The following MNAT1 variants were observed in gnomAD, a reference collection of about 807,000 sequenced individuals.
MNAT1 encodes MNAT1 component of CDK activating kinase.
In MNAT1, 43 loss-of-function variants were observed where a neutral mutation model predicts 42.0. That is an observed-to-expected ratio of 1.02 (90% CI 0.80 to 1.32). The LOEUF is 1.32. Ranked by LOEUF, MNAT1 falls within the 40% of genes most tolerant of loss-of-function variation. The pLI is 0.00. For missense variants in MNAT1, 306 were observed against 350.4 expected, an observed-to-expected ratio of 0.87 and a Z score of 1.01; for synonymous variants, 118 against 120.0, an observed-to-expected ratio of 0.98 and a Z score of 0.11.
chr14:60,743,488 C>G (rs1896532359), intron 1 of MNAT1, among the ~76,000 whole-genome samples: 1 of 152,106 alleles, frequency 6.6e-6, no homozygotes, highest in Non-Finnish European at 1.5e-5. Context: ...GGAGTTTCAC[C>G]ATGTTGGCCA....
At chr14:60,768,488 A>G (rs1284699019) in intron 1 of MNAT1, among the ~76,000 whole-genome samples, 1 of 152,228 alleles carries the variant, frequency 6.6e-6, no homozygotes, top group East Asian at 1.9e-4. Flanking sequence ...TATATCTCTG[A>G]ACAGGATTTT....
chr14:60,761,336 A>G (rs1053464342), intron 1 of MNAT1, among the ~76,000 whole-genome samples: 1 of 152,198 alleles, frequency 6.6e-6, no homozygotes, highest in Admixed American at 6.5e-5. Context: ...CAATACCACA[A>G]TACATTTGAG....
At chr14:60,899,803 A>ATACTTT (rs2035034929) in intron 7 of MNAT1, among the ~76,000 whole-genome samples, 1 of 152,298 alleles carries the variant, frequency 6.6e-6, no homozygotes, top group Admixed American at 6.5e-5. Flanking sequence ...TTTTGCAAAT[A>ATACTTT]TTGCAAGTAT....
chr14:60,820,607 A>G (rs957814230), intron 6 of MNAT1, among the ~76,000 whole-genome samples: 2 of 150,234 alleles, frequency 1.3e-5, no homozygotes, highest in Non-Finnish European at 3.0e-5. Context: ...AGTTGGCTCT[A>G]CTTTTAAAAT....
At chr14:60,851,663 C>T (rs2033822957) in intron 6 of MNAT1, among the ~76,000 whole-genome samples, 1 of 152,126 alleles carries the variant, frequency 6.6e-6, no homozygotes, top group Non-Finnish European at 1.5e-5. Context: ...TTAAGCTCTG[C>T]ATGCATTAGG....
chr14:60,889,899 A>T (rs2034792971), intron 7 of MNAT1, among the ~76,000 whole-genome samples: 1 of 152,220 alleles, frequency 6.6e-6, no homozygotes, highest in Non-Finnish European at 1.5e-5. Flanking sequence ...AACCACAATG[A>T]GATACCATTT....
chr14:60,805,472 T>G (rs2032339118), intron 3 of MNAT1, among the ~76,000 whole-genome samples: 1 of 152,158 alleles, frequency 6.6e-6, no homozygotes, highest in South Asian at 2.1e-4. Flanking sequence ...ACCCTATGAG[T>G]TTTGACAAAC....
At position 60,874,753 on chromosome 14, in the gene MNAT1, C is replaced by A. The variant is rs192438869; in HGVS notation, c.688-4961C>A. Among the ~76,000 whole-genome samples the A allele has an allele frequency of 2.7e-3, 416 of 152,198 alleles. 1 individual carries two copies. The highest frequency in any genetic ancestry group is 4.3e-3 in the Non-Finnish European group (294 of 68,006). Reference sequence around the variant, plus strand: ...TGATAATTTAGAATAATATCTATCACCCTTACTGTTTGGGTGGAAATATCA... The same window carrying A: ...TGATAATTTAGAATAATATCTATCAACCTTACTGTTTGGGTGGAAATATCA... On this transcript the variant is annotated intron_variant, in intron 6 of 7. Coordinates refer to ENST00000261245, the MANE Select transcript of MNAT1 (RefSeq NM_002431.4).
Position 60,908,427 on chromosome 14 carries a change from C to T in MNAT1, c.809+28592C>T, listed in dbSNP as rs186020761. Among the ~76,000 whole-genome samples, 418 of 152,054 alleles carry T rather than the reference C, an allele frequency of 2.7e-3. 11 individuals are homozygous for T. In the East Asian group the frequency reaches 0.052, roughly 19 times the overall value. ...TGTTGGTGTGCTGCACCCATTAACT[C>T]GTCATTTAACATTAGGTATATCTTC... On this transcript the variant is annotated intron_variant, in intron 7 of 7. Transcript: ENST00000261245.
intron 7 of MNAT1, among the ~76,000 whole-genome samples, chr14:60,941,566 T>TA (rs1360975426): frequency 6.6e-6 from 1 of 151,572 alleles, no homozygotes; most frequent in Non-Finnish European, 1.5e-5. Flanking sequence ...CTTAGCCAGG[T>TA]ATGGTGGTAT....
At chr14:60,929,164 AAAAAAAATATAT>A (rs2035830474) in intron 7 of MNAT1, among the ~76,000 whole-genome samples, 1 of 119,356 alleles carries the variant, frequency 8.4e-6, no homozygotes, top group Non-Finnish European at 1.7e-5. Flanking sequence ...AAAAAAAAAA[AAAAAAAATATAT>A]ATATATATAT....
At chr14:60,935,828 A>C (rs2035983228) in intron 7 of MNAT1, among the ~76,000 whole-genome samples, 1 of 152,198 alleles carries the variant, frequency 6.6e-6, no homozygotes, top group South Asian at 2.1e-4. Flanking sequence ...AGATAAGGAA[A>C]TTGAACATCA....
At chr14:60,786,669 A>G (rs775614118) in intron 1 of MNAT1, among the ~76,000 whole-genome samples, 1 of 152,206 alleles carries the variant, frequency 6.6e-6, no homozygotes. Context: ...AAATTTTGTG[A>G]GATGAGTAGC....
chr14:60,770,883 A>G (rs1033056875), intron 1 of MNAT1, among the ~76,000 whole-genome samples: 5 of 152,066 alleles, frequency 3.3e-5, no homozygotes, highest in Non-Finnish European at 5.9e-5. Context: ...GTTCATTTCC[A>G]CTGTTATATA....
intron 7 of MNAT1, among the ~76,000 whole-genome samples, chr14:60,897,941 A>G (rs1373316396): frequency 1.3e-5 from 2 of 152,062 alleles, no homozygotes; most frequent in South Asian, 2.1e-4. Flanking sequence ...TCTAGTGTCT[A>G]TCTCCATGAG....
chr14:60,810,329 C>T (rs370873628), intron 4 of MNAT1, among the ~76,000 whole-genome samples: 14 of 151,792 alleles, frequency 9.2e-5, no homozygotes, highest in Admixed American at 5.2e-4. Context: ...TTTTCTATTT[C>T]ATTTATTTTT....
At chr14:60,759,952 G>GTA (rs2030527274) in intron 1 of MNAT1, among the ~76,000 whole-genome samples, 2 of 152,148 alleles carry the variant, frequency 1.3e-5, no homozygotes, top group African/African-American at 4.8e-5. Flanking sequence ...AGAGAGCATA[G>GTA]TATAATATGG....
intron 7 of MNAT1, among the ~76,000 whole-genome samples, chr14:60,929,168 A>ATATATATATATATAT: frequency 1.2e-5 from 1 of 86,144 alleles, no homozygotes; most frequent in African/African-American, 5.8e-5. Context: ...AAAAAAAAAA[A>ATATATATATATATAT]AAATATATAT....
intron 7 of MNAT1, among the ~76,000 whole-genome samples, chr14:60,918,384 A>T (rs1594871861): frequency 6.7e-6 from 1 of 149,592 alleles, no homozygotes; most frequent in African/African-American, 2.4e-5. Flanking sequence ...AATTTTTTGT[A>T]TTTTTAGTAG....
Sources: gnomAD v4.1 joint callset for allele counts (sites outside exome capture counted in the v4.1 genomes callset) on GRCh38, gnomAD v4.1.1 for gene constraint, MANE v1.5 for transcripts, NCBI Gene and HGNC (gene_info 2026-07-23, HGNC 2026-07-21) for gene names.